The following PLEK variants were observed in gnomAD, a reference collection of about 807,000 sequenced individuals.
PLEK encodes pleckstrin.
A neutral mutation model predicts 43.9 loss-of-function variants in PLEK; 25 were observed. The observed-to-expected ratio is 0.57, with a 90% CI of 0.41 to 0.79. PLEK has a LOEUF of 0.79. Among genes scored for constraint, PLEK ranks in the 30% least tolerant of loss-of-function variants. The pLI is 0.00. For missense variants in PLEK, 396 were observed against 413.3 expected, an observed-to-expected ratio of 0.96 and a Z score of 0.36; for synonymous variants, 152 against 144.4, an observed-to-expected ratio of 1.05 and a Z score of -0.38.
At chr2:68,375,560 A>G (rs1024851845) in intron 1 of PLEK, among the ~76,000 whole-genome samples, 2 of 152,266 alleles carry the variant, frequency 1.3e-5, no homozygotes, top group African/African-American at 4.8e-5. Context: ...CATGCAGAAA[A>G]GAGATAGGGT....
At chr2:68,377,124 C>G (rs745660376) in intron 1 of PLEK, among the ~76,000 whole-genome samples, 4 of 152,108 alleles carry the variant, frequency 2.6e-5, no homozygotes, top group Admixed American at 2.6e-4. Context: ...GGCAAAGTAG[C>G]CCTCCATTGT....
intron 5 of PLEK, chr2:68,388,174 G>A (rs1400109329): frequency 2.0e-6 from 1 of 498,404 alleles, no homozygotes; most frequent in East Asian, 3.0e-5. Flanking sequence ...CACCTGAGTG[G>A]AGACAAGAAA....
Position 68,388,393 on chromosome 2 carries a change from A to G in PLEK, c.664A>G (p.Ser222Gly), listed in dbSNP as rs200578307. 6.3e-7 allele frequency: 1 copy of G among 1,599,702 alleles called. No individual in the cohort carries two copies. Among genetic ancestry groups the G allele is most frequent in the South Asian group, 1.1e-5 (1 of 90,826 alleles). Reference protein sequence around the residue: ...NPDAFYYFPDSGFFCEENSSD... With the variant: ...NPDAFYYFPDGGFFCEENSSD... The stretch of plus-strand genomic sequence containing the variant: ...CTGTTTGATTTTCCAACAGCCAGAC[A>G]GTGGGTTCTTCTGTGAAGAGAATTC... The change falls in exon 6 of 9, where the codon AGT becomes GGT. Residue 222 changes from serine (S) to glycine (G), a missense_variant. Transcript: ENST00000234313.
intron 1 of PLEK, among the ~76,000 whole-genome samples, chr2:68,374,097 G>C (rs1452826508): frequency 6.6e-6 from 1 of 152,096 alleles, no homozygotes; most frequent in Non-Finnish European, 1.5e-5. Flanking sequence ...CTGAATTTCT[G>C]TATAAATAAA....
chr2:68,373,525 T>C (rs560732318), intron 1 of PLEK, among the ~76,000 whole-genome samples: 7 of 151,918 alleles, frequency 4.6e-5, no homozygotes, highest in Admixed American at 3.9e-4. Flanking sequence ...CGTGTATACA[T>C]AGGTAACTAA....
rs1331221340 is a variant in PLEK at position 68,396,648 on chromosome 2, C to T, written c.*832C>T. 3 of 151,962 alleles carry T rather than the reference C, an allele frequency of 2.0e-5. No individual in the cohort carries two copies. The highest frequency in any genetic ancestry group is 4.4e-5 in the Non-Finnish European group (3 of 68,008). The allele number at this position is 151,962 out of a possible 1,614,324, so 9.4% of individuals were successfully genotyped here. A position where few individuals can be genotyped will look rare whatever the true frequency, so the allele number is the denominator to read the frequency against. On this transcript the variant is annotated 3_prime_UTR_variant, in exon 9 of 9. Coordinates refer to ENST00000234313, the MANE Select transcript of PLEK (RefSeq NM_002664.3). ...GTTCCTTTCTGGAGCATTTCTCTAA[C>T]GTTTATTACAATTAGGAGGGGGACC... is the stretch of plus-strand genomic sequence containing the variant.
At chr2:68,392,530 T>A (rs984928417) in intron 6 of PLEK, among the ~76,000 whole-genome samples, 3 of 152,240 alleles carry the variant, frequency 2.0e-5, no homozygotes, top group African/African-American at 7.2e-5. Context: ...TTGCCTCTGC[T>A]ACTCTTCATG....
chr2:68,368,890 A>T (rs1386694868), intron 1 of PLEK, among the ~76,000 whole-genome samples: 1 of 152,150 alleles, frequency 6.6e-6, no homozygotes, highest in Non-Finnish European at 1.5e-5. Flanking sequence ...ATGTCCTTTG[A>T]GGCTGGGAGA....
intron 1 of PLEK, among the ~76,000 whole-genome samples, chr2:68,367,239 T>A (rs1291045997): frequency 1.4e-5 from 2 of 142,668 alleles, no homozygotes; most frequent in African/African-American, 2.6e-5. Flanking sequence ...TCTGATATAA[T>A]GCATTAAGAT....
At chr2:68,388,210 G>A in intron 5 of PLEK, 177 bp from the exon 6 acceptor site, 1 of 533,082 alleles carries the variant, frequency 1.9e-6, no homozygotes, top group South Asian at 2.6e-5. Context: ...GCAAGTAAAA[G>A]GAGGAGGAGA....
chr2:68,385,222 T>C (rs963717800), intron 4 of PLEK, among the ~76,000 whole-genome samples: 3 of 152,238 alleles, frequency 2.0e-5, no homozygotes, highest in Admixed American at 1.3e-4. Context: ...TGGTAACTAG[T>C]GTATCCATCA....
intron 6 of PLEK, among the ~76,000 whole-genome samples, chr2:68,389,832 G>A (rs1673825196): frequency 6.6e-6 from 1 of 152,112 alleles, no homozygotes; most frequent in Admixed American, 6.5e-5. Flanking sequence ...CTTTCTCGTT[G>A]GTTTTGCCAA....
At chr2:68,391,354 T>C (rs963867050) in intron 6 of PLEK, among the ~76,000 whole-genome samples, 1 of 152,202 alleles carries the variant, frequency 6.6e-6, no homozygotes, top group Non-Finnish European at 1.5e-5. Flanking sequence ...CAGCATGACA[T>C]GTGTGTCTGT....
intron 1 of PLEK, among the ~76,000 whole-genome samples, chr2:68,365,890 TA>T (rs1221929735): frequency 1.3e-5 from 2 of 152,050 alleles, no homozygotes; most frequent in South Asian, 2.1e-4. Context: ...TTGACACGTT[TA>T]AAAAAAACCT....
At chr2:68,391,902 A>T (rs1673866315) in intron 6 of PLEK, among the ~76,000 whole-genome samples, 1 of 152,182 alleles carries the variant, frequency 6.6e-6, no homozygotes, top group Non-Finnish European at 1.5e-5. Context: ...GTTTACCATG[A>T]CAGTTTAAAA....
In PLEK at chr2:68,388,354, G is replaced by C. The variant is rs191535753; in HGVS notation, c.658-33G>C. 3 of 1,267,112 alleles carry C rather than the reference G, an allele frequency of 2.4e-6. No individual in the cohort carries two copies. In the East Asian group the frequency reaches 6.9e-5, roughly 29 times the overall value. The allele number at this position is 1,267,112 out of a possible 1,614,324, so 78.5% of individuals were successfully genotyped here. On this transcript the variant is annotated intron_variant, in intron 5 of 8. Transcript: ENST00000234313. Reference sequence around the variant, plus strand: ...ACAAGTTGCAATGTGCCTAAGACTGGTGATGTTAGCTTGCTGTTTGATTTT... The same window carrying C: ...ACAAGTTGCAATGTGCCTAAGACTGCTGATGTTAGCTTGCTGTTTGATTTT...
intron 1 of PLEK, among the ~76,000 whole-genome samples, chr2:68,374,331 C>T (rs777095169): frequency 6.6e-6 from 1 of 152,134 alleles, no homozygotes; most frequent in Non-Finnish European, 1.5e-5. Context: ...TTCTGCATAG[C>T]GGCTTTGAAA....
In PLEK at chr2:68,396,034, G is replaced by A; in HGVS notation, c.*218G>A. 2 of 510,242 alleles carry A rather than the reference G, an allele frequency of 3.9e-6. No homozygotes were observed. Among genetic ancestry groups the A allele is most frequent in the Middle Eastern group, 5.1e-4 (1 of 1,952 alleles). 31.6% of individuals were successfully genotyped at this position (510,242 alleles called of 1,614,324 possible). A position where few individuals can be genotyped will look rare whatever the true frequency, so the allele number is the denominator to read the frequency against. ...CTCTGCCCCTATCCATGACCCCCAA[G>A]CAGATATAACAAGCTGTGCAGCCTC... On this transcript the variant is annotated 3_prime_UTR_variant, in exon 9 of 9. Coordinates refer to ENST00000234313, the MANE Select transcript of PLEK (RefSeq NM_002664.3).
intron 1 of PLEK, among the ~76,000 whole-genome samples, chr2:68,373,137 G>C (rs1673441038): frequency 6.6e-6 from 1 of 152,140 alleles, no homozygotes; most frequent in Non-Finnish European, 1.5e-5. Flanking sequence ...ATTTAGGAAT[G>C]GTCAAGGAGA....
Sources: gnomAD v4.1 joint callset for allele counts (sites outside exome capture counted in the v4.1 genomes callset) on GRCh38, gnomAD v4.1.1 for gene constraint, MANE v1.5 for transcripts, NCBI Gene and HGNC (gene_info 2026-07-23, HGNC 2026-07-21) for gene names.